Variants in SNX10 observed in about 807,000 individuals in gnomAD.
SNX10 encodes the protein sorting nexin-10.
A neutral mutation model predicts 28.5 loss-of-function variants in SNX10; 25 were observed. The observed-to-expected ratio is 0.88, with a 90% CI of 0.64 to 1.22. The LOEUF (loss-of-function observed/expected upper bound fraction) is 1.22, where lower values mean the gene tolerates loss of function less well. SNX10 is among the 50% of genes most tolerant of loss of function. The pLI is 0.00. For synonymous variants in SNX10, 62 were observed against 81.4 expected, an observed-to-expected ratio of 0.76 and a Z score of 1.28; for missense variants, 223 against 242.6, an observed-to-expected ratio of 0.92 and a Z score of 0.54.
rs1789678961 is a variant in SNX10 at position 26,374,028 on chromosome 7, C to G, written c.*1456C>G. ...TTGTAAATATTTTGATTTAATGTGTCTTAGATCCTCATTATTTTAATACAG... is the reference window on the plus strand; with the variant it reads ...TTGTAAATATTTTGATTTAATGTGTGTTAGATCCTCATTATTTTAATACAG... On this transcript the variant is annotated 3_prime_UTR_variant, in exon 7 of 7. Transcript: ENST00000338523. 1 of 151,702 alleles carries G rather than the reference C, an allele frequency of 6.6e-6. No homozygotes were observed. Among genetic ancestry groups the G allele is most frequent in the African/African-American group, 2.4e-5 (1 of 41,344 alleles). 9.4% of individuals were successfully genotyped at this position (151,702 alleles called of 1,614,324 possible). A position where few individuals can be genotyped will look rare whatever the true frequency, so the allele number is the denominator to read the frequency against.
At chr7:26,347,676 C>T (rs1354096993) in intron 2 of SNX10, among the ~76,000 whole-genome samples, 1 of 152,080 alleles carries the variant, frequency 6.6e-6, no homozygotes, top group Non-Finnish European at 1.5e-5. Context: ...ATGGGGAAAC[C>T]CCATCTCTAC....
intron 5 of SNX10, among the ~76,000 whole-genome samples, chr7:26,365,930 C>T (rs373555838): frequency 3.3e-5 from 5 of 152,290 alleles, no homozygotes; most frequent in African/African-American, 1.2e-4. Context: ...TAGTACCTAC[C>T]TCATAGGGTT....
At chr7:26,346,295 T>A in intron 1 of SNX10, 125 bp from the exon 2 acceptor site, 1 of 711,060 alleles carries the variant, frequency 1.4e-6, no homozygotes, top group Non-Finnish European at 2.6e-6. Context: ...GAGCAGAGGC[T>A]CACATGTCAG....
chr7:26,358,760 GA>G (rs774590704), intron 2 of SNX10, among the ~76,000 whole-genome samples: 2 of 141,268 alleles, frequency 1.4e-5, no homozygotes, highest in Non-Finnish European at 3.1e-5. Flanking sequence ...ACAGAAAAAA[GA>G]AAAGAAATAA....
chr7:26,314,341 T>C (rs1786978725), intron 1 of SNX10, among the ~76,000 whole-genome samples: 1 of 151,162 alleles, frequency 6.6e-6, no homozygotes, highest in Non-Finnish European at 1.5e-5. Flanking sequence ...CACTGCAACC[T>C]CTGCCTCCAT....
intron 1 of SNX10, among the ~76,000 whole-genome samples, chr7:26,337,358 A>G (rs1479230309): frequency 6.6e-6 from 1 of 152,254 alleles, no homozygotes; most frequent in Non-Finnish European, 1.5e-5. Context: ...CAGTAGCGTT[A>G]AGTGTATTCA....
In SNX10 at chr7:26,372,956, A is replaced by T. The variant is rs1354307504; in HGVS notation, c.*384A>T. On this transcript the variant is annotated 3_prime_UTR_variant, in exon 7 of 7. Coordinates refer to ENST00000338523, the MANE Select transcript of SNX10 (RefSeq NM_013322.3). Reference sequence around the variant, plus strand: ...CTTCTTGTATCAGTGGGGCAGTGTTACCATAAACACGGTGTATATGTTGTT... The same window carrying T: ...CTTCTTGTATCAGTGGGGCAGTGTTTCCATAAACACGGTGTATATGTTGTT... 5.2e-6 allele frequency: 1 copy of T among 192,334 alleles called. No homozygotes were observed. The highest frequency in any genetic ancestry group is 2.4e-5 in the African/African-American group (1 of 42,154). 11.9% of individuals were successfully genotyped at this position (192,334 alleles called of 1,614,324 possible).
At chr7:26,369,662 GCT>G (rs1335279764) in intron 5 of SNX10, among the ~76,000 whole-genome samples, 2 of 152,102 alleles carry the variant, frequency 1.3e-5, no homozygotes, top group South Asian at 2.1e-4. Flanking sequence ...CATCTTTCTG[GCT>G]CTTTGGAATT....
intron 1 of SNX10, among the ~76,000 whole-genome samples, chr7:26,292,539 G>A (rs527312956): frequency 1.2e-3 from 185 of 152,208 alleles, no homozygotes; most frequent in Admixed American, 3.7e-3. Flanking sequence ...TTTATTCGTG[G>A]GATTGTGGGA....
In SNX10 at chr7:26,361,043, C is replaced by T. The variant is rs956760026; in HGVS notation, c.93C>T (p.Asp31=). Reference sequence around the variant, plus strand: ...AGGACTTCTGGCATTCTTACATTGACTATGAGATATGTATTCATGTAAGTA... The same window carrying T: ...AGGACTTCTGGCATTCTTACATTGATTATGAGATATGTATTCATGTAAGTA... ...QKEDFWHSYI[D]YEICIHTNSM... Residue 31 remains aspartate (D), a synonymous_variant, in exon 3 of 7, where the codon GAC becomes GAT. Coordinates refer to ENST00000338523, the MANE Select transcript of SNX10 (RefSeq NM_013322.3). 1.2e-6 allele frequency: 2 copies of T among 1,602,542 alleles called. No individual in the cohort carries two copies. The highest frequency in any genetic ancestry group is 8.5e-7 in the Non-Finnish European group (1 of 1,170,334).
At chr7:26,328,384 C>T (rs527464106) in intron 1 of SNX10, among the ~76,000 whole-genome samples, 2 of 152,300 alleles carry the variant, frequency 1.3e-5, no homozygotes, top group Non-Finnish European at 2.9e-5. Context: ...CATGTGTCTA[C>T]CAGCCTGGTT....
chr7:26,351,591 C>T (rs991704549), intron 2 of SNX10, among the ~76,000 whole-genome samples: 4 of 150,796 alleles, frequency 2.7e-5, no homozygotes, highest in African/African-American at 7.3e-5. Context: ...CGAGTGGGAT[C>T]CTGGAACAAC....
Position 26,371,959 on chromosome 7 carries a change from C to G in SNX10, c.450C>G (p.Ala150=), listed in dbSNP as rs1789562938. The G allele has an allele frequency of 1.2e-6, 2 of 1,613,074 alleles. No homozygotes were observed. Among genetic ancestry groups the G allele is most frequent in the Non-Finnish European group, 1.7e-6 (2 of 1,179,452 alleles). ...YSVEEAIHKF[A]LMNRRFPEED... ...TGGAAGAAGCAATTCACAAGTTTGC[C>G]TTAATGAATAGACGTTTCCCTGAAG... Residue 150 remains alanine, a synonymous_variant, in exon 6 of 7, where the codon GCC becomes GCG. Coordinates refer to ENST00000338523, the MANE Select transcript of SNX10 (RefSeq NM_013322.3).
At chr7:26,335,197 G>A (rs1787878075) in intron 1 of SNX10, among the ~76,000 whole-genome samples, 1 of 152,158 alleles carries the variant, frequency 6.6e-6, no homozygotes, top group South Asian at 2.1e-4. Flanking sequence ...AGCTTGTCTG[G>A]TGGCCAATTT....
intron 1 of SNX10, among the ~76,000 whole-genome samples, chr7:26,345,721 G>A (rs1788357782): frequency 6.6e-6 from 1 of 152,212 alleles, no homozygotes; most frequent in Non-Finnish European, 1.5e-5. Flanking sequence ...GTCACCCTCA[G>A]TTGTAAGAAT....
intron 1 of SNX10, among the ~76,000 whole-genome samples, chr7:26,312,487 A>G (rs1322628597): frequency 6.6e-6 from 1 of 152,126 alleles, no homozygotes; most frequent in African/African-American, 2.4e-5. Flanking sequence ...AACAATTTGT[A>G]TAAAAGAAAA....
intron 1 of SNX10, among the ~76,000 whole-genome samples, chr7:26,329,665 G>A (rs12671122): frequency 6.6e-6 from 1 of 152,108 alleles, no homozygotes; most frequent in African/African-American, 2.4e-5. Flanking sequence ...TGCTGATACC[G>A]TGTACCTGCT....
intron 2 of SNX10, among the ~76,000 whole-genome samples, chr7:26,348,256 T>G (rs1382368463): frequency 6.6e-6 from 1 of 152,082 alleles, no homozygotes; most frequent in East Asian, 1.9e-4. Flanking sequence ...TTTTAAGTAA[T>G]CCTGAGACCA....
chr7:26,355,028 A>C (rs1039583707), intron 2 of SNX10, among the ~76,000 whole-genome samples: 5 of 151,846 alleles, frequency 3.3e-5, no homozygotes, highest in African/African-American at 1.2e-4. Context: ...TGCACGCTTT[A>C]GGTTGAGGTT....
Sources: allele counts gnomAD v4.1 joint callset (sites outside exome capture counted in the v4.1 genomes callset), GRCh38; gene constraint gnomAD v4.1.1; transcripts MANE v1.5; gene names NCBI Gene and HGNC (gene_info 2026-07-23, HGNC 2026-07-21).